FARP1: variants seen among roughly 807,000 people sequenced by gnomAD.
FARP1 encodes the protein FERM, ARH/RhoGEF and pleckstrin domain protein 1.
FARP1 carries 52 observed loss-of-function variants against 128.8 expected under a neutral mutation model. That is an observed-to-expected ratio of 0.40 (90% CI 0.32 to 0.51). The LOEUF (loss-of-function observed/expected upper bound fraction) is 0.51, where lower values mean the gene tolerates loss of function less well. FARP1 is among the 20% of genes least tolerant of loss of function. FARP1 has a pLI of 0.45. For synonymous variants in FARP1, 580 were observed against 551.8 expected (o/e 1.05, Z -0.72); for missense variants, 1,333 against 1,367.9 (o/e 0.97, Z 0.40).
At chr13:98,376,294 G>A (rs908956032) in intron 5 of FARP1, among the ~76,000 whole-genome samples, 3 of 152,004 alleles carry the variant, frequency 2.0e-5, no homozygotes, top group African/African-American at 7.3e-5. Context: ...CCAGCCTCTG[G>A]TAACTTCATT....
At chr13:98,320,315 T>G (rs1156877860) in intron 2 of FARP1, among the ~76,000 whole-genome samples, 2 of 152,252 alleles carry the variant, frequency 1.3e-5, no homozygotes, top group African/African-American at 2.4e-5. Context: ...CTACTCTCCG[T>G]ACAATCTGGA....
rs368494915 is a variant in FARP1, at chr13:98,384,754, C to A, written c.521C>A (p.Ala174Asp). ...VQSEIGDFDE[A>D]LDREHLAKNK... ...GCTGAGATTGGGGATTTTGATGAAG[C>A]CTTGGACAGAGAGCACTTAGCAAAA... The change falls in exon 7 of 27, where the codon GCC becomes GAC. Residue 174 changes from alanine (A) to aspartate (D), a missense_variant. By Grantham distance (126) the Ala-to-Asp change is moderately radical. This residue lies in a region of FARP1 where 324 missense variants were observed against 398.1 expected (regional missense o/e 0.81). Transcript: ENST00000319562. The A allele has an allele frequency of 1.9e-6, 3 of 1,612,320 alleles. No homozygotes were observed. The highest frequency in any genetic ancestry group is 1.7e-6 in the Non-Finnish European group (2 of 1,178,450).
intron 2 of FARP1, among the ~76,000 whole-genome samples, chr13:98,277,532 A>G (rs1884718854): frequency 6.6e-6 from 1 of 152,062 alleles, no homozygotes; most frequent in African/African-American, 2.4e-5. Flanking sequence ...CTTATTCAAC[A>G]AGCCGTTTTT....
At chr13:98,388,137 C>T (rs1890169524) in intron 8 of FARP1, among the ~76,000 whole-genome samples, 1 of 152,086 alleles carries the variant, frequency 6.6e-6, no homozygotes, top group Non-Finnish European at 1.5e-5. Context: ...ATTATCTTGG[C>T]TAGTTTCTTC....
chr13:98,373,533 GACACACACACACACAC>G (rs58658962), intron 5 of FARP1, among the ~76,000 whole-genome samples: 98 of 131,066 alleles, frequency 7.5e-4, no homozygotes, highest in African/African-American at 1.8e-3. Context: ...CAGACAGACA[GACACACACACACACAC>G]ACACACACAC....
chr13:98,364,632 A>G (rs911443153), intron 3 of FARP1, among the ~76,000 whole-genome samples: 8 of 152,236 alleles, frequency 5.3e-5, no homozygotes, highest in East Asian at 1.9e-4. Flanking sequence ...TCAAATGACT[A>G]GAAATTCAAG....
At chr13:98,246,253 G>A (rs1002175153) in intron 2 of FARP1, among the ~76,000 whole-genome samples, 41 of 149,414 alleles carry the variant, frequency 2.7e-4, no homozygotes, top group Admixed American at 2.6e-3. Context: ...CCGCCACCTC[G>A]CCCGGCTAAT....
chr13:98,319,769 C>T (rs2139783353), intron 2 of FARP1, among the ~76,000 whole-genome samples: 1 of 152,196 alleles, frequency 6.6e-6, no homozygotes, highest in Middle Eastern at 3.4e-3. Context: ...GTATAATCTG[C>T]CATTCTAGTA....
At chr13:98,353,871 A>C (rs1888539874) in intron 3 of FARP1, among the ~76,000 whole-genome samples, 1 of 152,236 alleles carries the variant, frequency 6.6e-6, no homozygotes, top group Admixed American at 6.5e-5. Context: ...TCTTACCACA[A>C]TTTTTAAGAG....
At chr13:98,312,149 T>TTTTTTTTTTTTTTTTTTTG (rs1471202648) in intron 2 of FARP1, among the ~76,000 whole-genome samples, 2 of 135,820 alleles carry the variant, frequency 1.5e-5, no homozygotes, top group Admixed American at 7.4e-5. Flanking sequence ...TTTTTTTTTT[T>TTTTTTTTTTTTTTTTTTTG]TTTTTCTTTG....
intron 1 of FARP1, among the ~76,000 whole-genome samples, chr13:98,169,096 A>C (rs1294323902): frequency 6.6e-6 from 1 of 152,178 alleles, no homozygotes; most frequent in Non-Finnish European, 1.5e-5. Context: ...ATTGCTAATA[A>C]CTTGAACCGA....
chr13:98,372,907 C>T (rs773783842), intron 5 of FARP1, among the ~76,000 whole-genome samples: 8 of 152,160 alleles, frequency 5.3e-5, no homozygotes, highest in Non-Finnish European at 1.0e-4. Context: ...GCCTCTAGCT[C>T]GCGTGAGACT....
intron 2 of FARP1, among the ~76,000 whole-genome samples, chr13:98,309,616 CATGCTTAAAAA>C (rs1402382596): frequency 1.3e-5 from 2 of 152,230 alleles, no homozygotes; most frequent in East Asian, 3.9e-4. Flanking sequence ...GGGAGACTTC[CATGCTTAAAAA>C]ATGCTTAAAA....
At chr13:98,157,961 A>C (rs980696074) in intron 1 of FARP1, among the ~76,000 whole-genome samples, 1 of 152,176 alleles carries the variant, frequency 6.6e-6, no homozygotes, top group Admixed American at 6.5e-5. Flanking sequence ...CTCTTCCTTG[A>C]TCCTCCTGTG....
chr13:98,244,754 G>T, intron 2 of FARP1: 1 of 1,585,156 alleles, frequency 6.3e-7, no homozygotes, highest in East Asian at 2.2e-5. Flanking sequence ...CAAAGAAATT[G>T]ATTGGCAATG....
chr13:98,395,560 C>T (rs1209561122), intron 13 of FARP1, 84 bp downstream of exon 13: 2 of 1,457,960 alleles, frequency 1.4e-6, no homozygotes, highest in South Asian at 1.4e-5. Context: ...ATACGACCTT[C>T]TTAGAGAACA....
chr13:98,306,224 GAGT>G (rs775332629), intron 2 of FARP1, among the ~76,000 whole-genome samples: 25 of 152,220 alleles, frequency 1.6e-4, no homozygotes, highest in Admixed American at 3.3e-4. Context: ...AACTAAACCA[GAGT>G]AACTGAAACT....
chr13:98,256,948 G>GGCAT (rs59128917), intron 2 of FARP1, among the ~76,000 whole-genome samples: 2 of 77,076 alleles, frequency 2.6e-5, no homozygotes, highest in Non-Finnish European at 5.4e-5. Context: ...TATATATGTG[G>GGCAT]ATATATATAT....
At chr13:98,158,560 G>A (rs1876651412) in intron 1 of FARP1, among the ~76,000 whole-genome samples, 1 of 152,140 alleles carries the variant, frequency 6.6e-6, no homozygotes, top group African/African-American at 2.4e-5. Flanking sequence ...GGGATGCTTT[G>A]GTTTTGGAGG....
Sources: gnomAD v4.1 joint callset for allele counts (sites outside exome capture counted in the v4.1 genomes callset) on GRCh38, gnomAD v4.1.1 for gene constraint, gnomAD v4.1.1 regional missense constraint, MANE v1.5 for transcripts, NCBI Gene and HGNC (gene_info 2026-07-23, HGNC 2026-07-21) for gene names.